Variants in SHANK2 observed in about 807,000 individuals in gnomAD.
SHANK2 encodes SH3 and multiple ankyrin repeat domains protein 2.
Under a neutral mutation model 133.7 loss-of-function variants are expected in SHANK2, and 43 were observed. That is an observed-to-expected ratio of 0.32 (90% CI 0.25 to 0.41). The LOEUF (loss-of-function observed/expected upper bound fraction) is 0.41. Ranked by LOEUF, SHANK2 falls within the 10% of genes least tolerant of loss-of-function variation. The pLI is 1.00. For synonymous variants in SHANK2, 1,017 were observed against 952.8 expected, an observed-to-expected ratio of 1.07 and a Z score of -1.24; for missense variants, 1,994 against 2,235.8, an observed-to-expected ratio of 0.89 and a Z score of 2.18.
intron 11 of SHANK2, among the ~76,000 whole-genome samples, chr11:70,872,605 C>G (rs1464679513): frequency 1.3e-5 from 2 of 151,882 alleles, no homozygotes; most frequent in Non-Finnish European, 2.9e-5. Context: ...AGAGGGGCCC[C>G]CCACAGACCA....
At chr11:70,884,902 G>A (rs1362422918) in intron 11 of SHANK2, among the ~76,000 whole-genome samples, 2 of 151,986 alleles carry the variant, frequency 1.3e-5, no homozygotes, top group East Asian at 3.9e-4. Flanking sequence ...TGTATTTTTA[G>A]TAGAGATGGG....
chr11:70,606,648 G>A (rs2060582608), intron 17 of SHANK2, among the ~76,000 whole-genome samples: 1 of 152,002 alleles, frequency 6.6e-6, no homozygotes, highest in Non-Finnish European at 1.5e-5. Flanking sequence ...CTCCCCTCCT[G>A]GGCGTCTGTG....
intron 17 of SHANK2, among the ~76,000 whole-genome samples, chr11:70,592,585 G>A (rs1554988339): frequency 6.6e-6 from 1 of 152,032 alleles, no homozygotes; most frequent in East Asian, 1.9e-4. Flanking sequence ...GTCTTGGGCA[G>A]CCTCTGTCCC....
At chr11:71,097,628 C>A (rs1243498548) in intron 6 of SHANK2, among the ~76,000 whole-genome samples, 1 of 152,188 alleles carries the variant, frequency 6.6e-6, no homozygotes, top group Non-Finnish European at 1.5e-5. Flanking sequence ...AGACTGTTGG[C>A]TCCAGGGATA....
intron 24 of SHANK2, 180 bp downstream of exon 24, chr11:70,489,148 T>G (rs1430975824): frequency 1.5e-6 from 1 of 653,240 alleles, no homozygotes; most frequent in Non-Finnish European, 2.8e-6. Flanking sequence ...ACATACTCCT[T>G]GTGGGAGGAC....
At chr11:71,116,361 C>T (rs533826326) in intron 4 of SHANK2, among the ~76,000 whole-genome samples, 5 of 152,356 alleles carry the variant, frequency 3.3e-5, no homozygotes, top group East Asian at 1.9e-4. Context: ...TCTTAACTGA[C>T]GTAACCCAAC....
intron 11 of SHANK2, among the ~76,000 whole-genome samples, chr11:70,871,301 A>G (rs1007835751): frequency 2.6e-5 from 4 of 152,192 alleles, no homozygotes; most frequent in African/African-American, 9.7e-5. Flanking sequence ...GATGAGTCTG[A>G]GGGTCCAAGA....
rs558666282 is a variant in SHANK2 at position 71,175,258 on chromosome 11, G to A, written c.-12-27920C>T. Among the ~76,000 whole-genome samples the A allele has an allele frequency of 8.3e-4, 127 of 152,264 alleles. No homozygotes were observed. Among genetic ancestry groups the A allele is most frequent in the African/African-American group, 3.0e-3 (123 of 41,538 alleles). ...AGAACCAATAAATGAGCAGTGGCAG[G>A]TTCCTGGATGGGCATGGGAACAACA... On this transcript the variant is annotated intron_variant, in intron 2 of 25. Transcript: ENST00000601538. The surrounding 1 kb of genome is among the most constrained non-coding windows in gnomAD (Gnocchi z 4.2).
At chr11:70,725,581 G>A (rs1026688156) in intron 14 of SHANK2, among the ~76,000 whole-genome samples, 11 of 152,314 alleles carry the variant, frequency 7.2e-5, no homozygotes, top group African/African-American at 2.4e-4. Context: ...TTGGACCAGT[G>A]GGTGTTGTTC....
chr11:70,532,338 C>A (rs989600633), intron 17 of SHANK2, among the ~76,000 whole-genome samples: 1 of 152,146 alleles, frequency 6.6e-6, no homozygotes, highest in Non-Finnish European at 1.5e-5. Flanking sequence ...GTGTTCAAGT[C>A]CACTCTGTGC....
At chr11:70,883,554 C>T (rs978208732) in intron 11 of SHANK2, among the ~76,000 whole-genome samples, 1 of 152,108 alleles carries the variant, frequency 6.6e-6, no homozygotes, top group East Asian at 1.9e-4. Context: ...AGGACCAGAC[C>T]AAGAGAACAA....
In SHANK2 at chr11:70,880,436, C is replaced by A. The variant is rs190601041; in HGVS notation, c.1174+16065G>T. On this transcript the variant is annotated intron_variant, in intron 11 of 25. Transcript: ENST00000601538. ...CTGAACAGAGGACTGAAAGATGGGGCAGGGACAGCTCCTGCCTGTGAGCTG... is the reference window on the plus strand; with the variant it reads ...CTGAACAGAGGACTGAAAGATGGGGAAGGGACAGCTCCTGCCTGTGAGCTG... Among the ~76,000 whole-genome samples the A allele has an allele frequency of 3.4e-4, 52 of 152,276 alleles. 1 individual carries two copies. The East Asian group carries it at 5.4e-3, about 16-fold the overall frequency.
chr11:70,486,007 GCT>G lies in SHANK2; in HGVS notation c.4284_4285del (p.Ala1429PhefsTer52). On this transcript the variant is annotated frameshift_variant, in exon 25 of 26. Coordinates refer to ENST00000601538, the MANE Select transcript of SHANK2 (RefSeq NM_012309.5). LOFTEE classifies it high-confidence loss of function. This position sits in a 1 kb window ranked among gnomAD's most constrained non-coding sequence, Gnocchi z 8.0. ...TAAGTCTGAGAGAGCCGGGACAGAA[GCT>G]GCCCGGTCATCGGGGATATCAAAAC... 6.2e-7 allele frequency: 1 copy of G among 1,614,068 alleles called. No individual in the cohort carries two copies. The highest frequency in any genetic ancestry group is 8.5e-7 in the Non-Finnish European group (1 of 1,180,022).
At chr11:70,912,500 C>T (rs1950210490) in intron 10 of SHANK2, among the ~76,000 whole-genome samples, 2 of 152,110 alleles carry the variant, frequency 1.3e-5, no homozygotes, top group African/African-American at 2.4e-5. Flanking sequence ...GGGGTTTCTG[C>T]TTTTGCTTCT....
At chr11:70,601,741 C>T (rs2060500689) in intron 17 of SHANK2, among the ~76,000 whole-genome samples, 2 of 152,194 alleles carry the variant, frequency 1.3e-5, no homozygotes, top group Non-Finnish European at 2.9e-5. Context: ...TAAGAATTTC[C>T]CAGCAAAGGC....
chr11:70,768,064 TG>T (rs1383800318), intron 14 of SHANK2, among the ~76,000 whole-genome samples: 7 of 151,086 alleles, frequency 4.6e-5, no homozygotes, highest in Non-Finnish European at 8.9e-5. Flanking sequence ...CTAGCTGGGG[TG>T]GGGGGGCTGA....
intron 14 of SHANK2, among the ~76,000 whole-genome samples, chr11:70,729,055 T>G (rs1258915989): frequency 6.6e-6 from 1 of 151,788 alleles, no homozygotes; most frequent in African/African-American, 2.4e-5. Context: ...AAGTACAAAA[T>G]TAGCTGGGTG....
intron 17 of SHANK2, among the ~76,000 whole-genome samples, chr11:70,626,411 A>G (rs1296189482): frequency 6.6e-6 from 1 of 152,206 alleles, no homozygotes; most frequent in East Asian, 1.9e-4. Flanking sequence ...GCCTCATATC[A>G]CAGCGAAGCC....
At chr11:70,742,324 T>C (rs1204881348) in intron 14 of SHANK2, among the ~76,000 whole-genome samples, 1 of 152,126 alleles carries the variant, frequency 6.6e-6, no homozygotes, top group African/African-American at 2.4e-5. Flanking sequence ...CAGACCCTAT[T>C]GTCTCTTGGT....
Sources: allele counts gnomAD v4.1 joint callset (sites outside exome capture counted in the v4.1 genomes callset), GRCh38; gene constraint gnomAD v4.1.1; non-coding constraint Gnocchi (gnomAD v3.1); transcripts MANE v1.5; gene names NCBI Gene and HGNC (gene_info 2026-07-23, HGNC 2026-07-21).